EPS8L2: variants seen among roughly 807,000 people sequenced by gnomAD.
The protein encoded by EPS8L2 is EPS8 signaling adaptor L2.
Under a neutral mutation model 99.4 loss-of-function variants are expected in EPS8L2, and 81 were observed. The observed-to-expected ratio is 0.82, with a 90% CI of 0.68 to 0.98. The LOEUF is 0.98. Among genes scored for constraint, EPS8L2 ranks in the 50% least tolerant of loss-of-function variants. EPS8L2 has a pLI of 0.00. For synonymous variants in EPS8L2, 509 were observed against 407.3 expected, an observed-to-expected ratio of 1.25 and a Z score of -3.01; for missense variants, 1,155 against 968.8, an observed-to-expected ratio of 1.19 and a Z score of -2.55.
chr11:707,771 G>T (rs1590044327), intron 1 of EPS8L2, among the ~76,000 whole-genome samples: 1 of 152,134 alleles, frequency 6.6e-6, no homozygotes, highest in Admixed American at 6.5e-5. Context: ...TCCCCAGGGG[G>T]GTCGCGTGTC....
intron 4 of EPS8L2, 53 bp from the exon 5 acceptor site, chr11:720,009 G>A: frequency 6.5e-7 from 1 of 1,546,818 alleles, no homozygotes; most frequent in Admixed American, 2.0e-5. Context: ...TGGGGGCTGG[G>A]CTTTCGACAC....
intron 4 of EPS8L2, among the ~76,000 whole-genome samples, chr11:712,045 G>A (rs1488621561): frequency 6.6e-6 from 1 of 151,810 alleles, no homozygotes; most frequent in Non-Finnish European, 1.5e-5. Flanking sequence ...CAGCACTTTG[G>A]GAGGCCGAGG....
Position 725,909 on chromosome 11 carries a change from C to CCTAGCCCCGCCCCAAGG in EPS8L2, c.1680+64_1680+80dup, listed in dbSNP as rs1862303760. On this transcript the variant is annotated intron_variant, in intron 17 of 20. Transcript: ENST00000318562. ...GCTTCCTGGAGCAGCCCCGCCTGCG[C>CCTAGCCCCGCCCCAAGG]CTAGCCCCGCCCCAAGGCCAGCCCC... 2.9e-6 allele frequency: 4 copies of CCTAGCCCCGCCCCAAGG among 1,379,288 alleles called. No homozygotes were observed. The African/African-American group carries it at 4.6e-5, about 16-fold the overall frequency. The allele number at this position is 1,379,288 out of a possible 1,614,324, so 85.4% of individuals were successfully genotyped here. A position where few individuals can be genotyped will look rare whatever the true frequency, so the allele number is the denominator to read the frequency against.
intron 4 of EPS8L2, among the ~76,000 whole-genome samples, chr11:715,691 A>G (rs1407782779): frequency 3.9e-5 from 5 of 126,814 alleles, no homozygotes; most frequent in East Asian, 4.5e-4. Context: ...CACGATCTTG[A>G]TTCACTGCAA....
In EPS8L2 at chr11:725,864, C is replaced by T. The variant is rs764434131; in HGVS notation, c.1680+17C>T. On this transcript the variant is annotated intron_variant, in intron 17 of 20. Coordinates refer to ENST00000318562, the MANE Select transcript of EPS8L2 (RefSeq NM_022772.4). ...TTCGAGCAGGTGAGCCCGCGGGGGT[C>T]CCTGGGGTCGCAGCCCCCAGCTTCC... The T allele has an allele frequency of 1.2e-5, 16 of 1,354,138 alleles. No homozygotes were observed. Among genetic ancestry groups the T allele is most frequent in the Non-Finnish European group, 1.5e-5 (16 of 1,057,758 alleles). 83.9% of individuals were successfully genotyped at this position (1,354,138 alleles called of 1,614,324 possible).
chr11:714,421 G>A (rs1861964716), intron 4 of EPS8L2, among the ~76,000 whole-genome samples: 1 of 151,170 alleles, frequency 6.6e-6, no homozygotes, highest in Non-Finnish European at 1.5e-5. Context: ...ATCAGAGATG[G>A]GGTTTCACCA....
In EPS8L2 at chr11:727,012, G is replaced by A. The variant is rs1360723349; in HGVS notation, c.*31G>A. 4.7e-6 allele frequency: 7 copies of A among 1,482,702 alleles called. No homozygotes were observed. Among genetic ancestry groups the A allele is most frequent in the Non-Finnish European group, 6.6e-6 (7 of 1,065,464 alleles). 91.8% of individuals were successfully genotyped at this position (1,482,702 alleles called of 1,614,324 possible). A position where few individuals can be genotyped will look rare whatever the true frequency, so the allele number is the denominator to read the frequency against. The stretch of plus-strand genomic sequence containing the variant: ...GCTGCCTTGGGCTGGGGCCTGCGGA[G>A]GGGAAGCCCACCCACAATGCATGGA... On this transcript the variant is annotated 3_prime_UTR_variant, in exon 21 of 21. Coordinates refer to ENST00000318562, the MANE Select transcript of EPS8L2 (RefSeq NM_022772.4).
At position 722,537 on chromosome 11, in the gene EPS8L2, G is replaced by A; in HGVS notation, c.1196G>A (p.Trp399Ter). ...MSLWESLGESWMRPRSEWPRE... is the reference protein window; with the variant it reads ...MSLWESLGES ...CTGTGGGAGTCACTGGGAGAGAGCT[G>A]GATGCGGCCCCGGTAGGGCAGGGCA... Residue 399 changes from tryptophan to a stop codon, truncating the protein, a stop_gained, in exon 13 of 21, where the codon TGG becomes TAG. Transcript: ENST00000318562. LOFTEE classifies it high-confidence loss of function. The A allele has an allele frequency of 6.2e-7, 1 of 1,613,076 alleles. No individual in the cohort carries two copies. Among genetic ancestry groups the A allele is most frequent in the Non-Finnish European group, 8.5e-7 (1 of 1,179,876 alleles).
rs761062541 is a variant in EPS8L2, at chr11:726,912, T to C, written c.2079T>C (p.Ser693=). The C allele has an allele frequency of 1.4e-5, 22 of 1,612,880 alleles. No homozygotes were observed. The highest frequency in any genetic ancestry group is 2.2e-5 in the East Asian group (1 of 44,868). The change falls in exon 21 of 21, where the codon AGT becomes AGC. Residue 693 remains serine (S), a synonymous_variant. Coordinates refer to ENST00000318562, the MANE Select transcript of EPS8L2 (RefSeq NM_022772.4). ...TTTCTCCTCCCTAGAAGCAGCAAAG[T>C]GGGTCGGAGCTGGAAGAACTCATGA... ...MQKAFLEKQQ[S]GSELEELMNK...
rs761257702 is a variant in EPS8L2 at position 725,834 on chromosome 11, C to T, written c.1667C>T (p.Ala556Val). 2 of 1,385,080 alleles carry T rather than the reference C, an allele frequency of 1.4e-6. No homozygotes were observed. Among genetic ancestry groups the T allele is most frequent in the African/African-American group, 3.0e-5 (2 of 66,532 alleles). 85.8% of individuals were successfully genotyped at this position (1,385,080 alleles called of 1,614,324 possible). A position where few individuals can be genotyped will look rare whatever the true frequency, so the allele number is the denominator to read the frequency against. ...LGEARPEDAGAPFEQAGQKYW... is the reference protein window; with the variant it reads ...LGEARPEDAGVPFEQAGQKYW... ...GAGGCGCGACCGGAGGACGCCGGCG[C>T]CCCGTTCGAGCAGGTGAGCCCGCGG... is the stretch of plus-strand genomic sequence containing the variant. Residue 556 changes from alanine to valine, a missense_variant, in exon 17 of 21, where the codon GCC (alanine) becomes GTC (valine). Transcript: ENST00000318562.
intron 7 of EPS8L2, 66 bp from the exon 8 acceptor site, chr11:720,998 G>A: frequency 1.4e-6 from 2 of 1,438,390 alleles, no homozygotes; most frequent in Non-Finnish European, 1.9e-6. Context: ...GAGGGGAGGA[G>A]CCCGGCAGGG....
At chr11:717,957 C>T (rs566402563) in intron 4 of EPS8L2, among the ~76,000 whole-genome samples, 44 of 151,420 alleles carry the variant, frequency 2.9e-4, no homozygotes, top group Non-Finnish European at 5.6e-4. Context: ...TGCAGTGAGC[C>T]GAGATCGCGC....
At chr11:721,400 C>A (rs1862170760) in intron 9 of EPS8L2, 48 bp downstream of exon 9, 6 of 1,531,652 alleles carry the variant, frequency 3.9e-6, no homozygotes, top group African/African-American at 1.4e-5. Flanking sequence ...CCGCCCCCAG[C>A]AGTGGACACT....
intron 3 of EPS8L2, 196 bp from the exon 4 acceptor site, chr11:710,226 A>G (rs1434134459): frequency 2.2e-5 from 13 of 586,550 alleles, no homozygotes; most frequent in African/African-American, 1.5e-4. Flanking sequence ...TCCTTCTCCA[A>G]GGGGGCTTCC....
In EPS8L2 at chr11:715,070, G is replaced by A. The variant is rs373683456; in HGVS notation, c.165+4584G>A. 1.2e-3 allele frequency among the ~76,000 whole-genome samples: 182 copies of A among 152,094 alleles called. 4 individuals carry two copies. Among genetic ancestry groups the A allele is most frequent in the South Asian group, 0.011 (52 of 4,816 alleles). ...ATTCTGGCTAACATGGTGAAACCCC[G>A]TCTCTACTAAAAATACAAAAAATTA... On this transcript the variant is annotated intron_variant, in intron 4 of 20. Coordinates refer to ENST00000318562, the MANE Select transcript of EPS8L2 (RefSeq NM_022772.4).
chr11:709,154 G>A (rs1258631586), intron 1 of EPS8L2, 176 bp from the exon 2 acceptor site: 2 of 599,252 alleles, frequency 3.3e-6, no homozygotes, highest in Non-Finnish European at 5.9e-6. Context: ...CTGATCGACT[G>A]TCAACTGGGA....
intron 3 of EPS8L2, chr11:710,052 A>C: frequency 2.8e-6 from 1 of 356,790 alleles, no homozygotes; most frequent in Non-Finnish European, 5.3e-6. Context: ...AAGCGAGAAG[A>C]CCTGGGAGGG....
Position 726,647 on chromosome 11 carries a change from G to A in EPS8L2, c.1963G>A (p.Gly655Arg), listed in dbSNP as rs756300713. 6.4e-6 allele frequency: 10 copies of A among 1,557,190 alleles called. No homozygotes were observed. Among genetic ancestry groups the A allele is most frequent in the South Asian group, 1.2e-5 (1 of 84,494 alleles). The change falls in exon 20 of 21, where the codon GGG becomes AGG. Residue 655 changes from glycine to arginine, a missense_variant. Transcript: ENST00000318562. ...RIVENLGILT[G>R]PQLFSLNKEE... ...CGTGGAGAACCTGGGCATCCTGACC[G>A]GGCCGCAGCTCTTCTCCCTCAACAA... is the stretch of plus-strand genomic sequence containing the variant.
intron 4 of EPS8L2, among the ~76,000 whole-genome samples, chr11:714,341 T>C (rs1393947055): frequency 6.6e-6 from 1 of 151,776 alleles, no homozygotes; most frequent in African/African-American, 2.4e-5. Flanking sequence ...GCAATTCTCC[T>C]GCCTCAGCCT....
Sources: gnomAD v4.1 joint callset for allele counts (sites outside exome capture counted in the v4.1 genomes callset) on GRCh38, gnomAD v4.1.1 for gene constraint, MANE v1.5 for transcripts, NCBI Gene and HGNC (gene_info 2026-07-23, HGNC 2026-07-21) for gene names.